Variants in KANK1 observed in about 807,000 individuals in gnomAD.
KANK1 encodes KN motif and ankyrin repeat domain-containing protein 1.
KANK1 carries 109 observed loss-of-function variants against 106.2 expected under a neutral mutation model. That is an observed-to-expected ratio of 1.03 (90% CI 0.88 to 1.20). The LOEUF (loss-of-function observed/expected upper bound fraction) is 1.20, where lower values mean the gene tolerates loss of function less well. Among genes scored for constraint, KANK1 ranks in the 50% most tolerant of loss-of-function variants. KANK1 has a pLI of 0.00. For missense variants in KANK1, 2,399 were observed against 1,710.7 expected, an observed-to-expected ratio of 1.40 and a Z score of -7.10; for synonymous variants, 873 against 652.2, an observed-to-expected ratio of 1.34 and a Z score of -5.16.
intron 1 of KANK1, among the ~76,000 whole-genome samples, chr9:536,927 A>C (rs181273054): frequency 2.0e-5 from 3 of 152,306 alleles, no homozygotes; most frequent in Admixed American, 6.5e-5. Context: ...TTCAGGGTGC[A>C]TCTGTTCCAC....
chr9:635,994 C>T (rs1588455133), intron 1 of KANK1, among the ~76,000 whole-genome samples: 1 of 152,250 alleles, frequency 6.6e-6, no homozygotes, highest in African/African-American at 2.4e-5. Context: ...CTTAATGAGG[C>T]ACAAACTCAG....
At chr9:531,342 G>A (rs1172992069) in intron 1 of KANK1, among the ~76,000 whole-genome samples, 2 of 151,522 alleles carry the variant, frequency 1.3e-5, no homozygotes, top group East Asian at 2.0e-4. Context: ...GAGGTGCGAG[G>A]GTTGCTTAAA....
At chr9:704,665 G>T (rs1342847008) in intron 2 of KANK1, among the ~76,000 whole-genome samples, 1 of 151,980 alleles carries the variant, frequency 6.6e-6, no homozygotes, top group African/African-American at 2.4e-5. Flanking sequence ...TCCAAACAGA[G>T]ACTTCTTGTA....
intron 1 of KANK1, among the ~76,000 whole-genome samples, chr9:643,958 C>G (rs1164445791): frequency 2.6e-5 from 4 of 151,112 alleles, no homozygotes; most frequent in Non-Finnish European, 1.5e-5. Context: ...CCGCCTTGGC[C>G]TCCCAAAGTG....
chr9:630,257 A>G (rs537907705), intron 1 of KANK1, among the ~76,000 whole-genome samples: 86 of 151,054 alleles, frequency 5.7e-4, no homozygotes, highest in African/African-American at 2.1e-3. Flanking sequence ...TAAAAAAAAG[A>G]AAAAAAACGA....
chr9:569,511 C>G (rs1272896817), intron 1 of KANK1, among the ~76,000 whole-genome samples: 1 of 152,156 alleles, frequency 6.6e-6, no homozygotes, highest in Non-Finnish European at 1.5e-5. Context: ...CAGACTCTGT[C>G]AAGTCCCCAC....
chr9:702,717 A>G (rs1822995223), intron 2 of KANK1, among the ~76,000 whole-genome samples: 1 of 152,068 alleles, frequency 6.6e-6, no homozygotes, highest in South Asian at 2.1e-4. Context: ...ATCTTTGTTG[A>G]TGCCTTTTAG....
intron 1 of KANK1, among the ~76,000 whole-genome samples, chr9:509,298 A>G (rs2058923635): frequency 6.6e-6 from 1 of 152,122 alleles, no homozygotes; most frequent in Non-Finnish European, 1.5e-5. Context: ...GGGTTTCACC[A>G]TGTTGGCCGG....
chr9:646,492 CT>C (rs1839696327), intron 1 of KANK1, among the ~76,000 whole-genome samples: 2 of 150,902 alleles, frequency 1.3e-5, no homozygotes, highest in Non-Finnish European at 1.5e-5. Flanking sequence ...TCCTCTCTCA[CT>C]TGAATAATTT....
At chr9:549,033 T>C (rs2134027632) in intron 1 of KANK1, 1 of 152,270 alleles carries the variant, frequency 6.6e-6, no homozygotes, top group Middle Eastern at 3.4e-3. Context: ...TCATGTAAGG[T>C]TACCTTTTTT....
chr9:647,103 A>G (rs1269915598), intron 1 of KANK1, among the ~76,000 whole-genome samples: 1 of 151,210 alleles, frequency 6.6e-6, no homozygotes, highest in Non-Finnish European at 1.5e-5. Context: ...GGCCTAAGCC[A>G]TAGGTGGGGA....
At chr9:612,503 T>A (rs1342824818) in intron 1 of KANK1, among the ~76,000 whole-genome samples, 1 of 152,206 alleles carries the variant, frequency 6.6e-6, no homozygotes, top group Non-Finnish European at 1.5e-5. Flanking sequence ...TGTCATCATC[T>A]TTATGCCTTT....
intron 3 of KANK1, among the ~76,000 whole-genome samples, chr9:478,646 C>G (rs573683074): frequency 5.9e-5 from 9 of 152,160 alleles, no homozygotes; most frequent in Non-Finnish European, 1.3e-4. Context: ...CCCAATATAC[C>G]AAGAAACCAT....
intron 3 of KANK1, chr9:476,781 G>A (rs1053896595): frequency 2.0e-5 from 3 of 152,178 alleles, no homozygotes; most frequent in Non-Finnish European, 2.9e-5. Flanking sequence ...TTATTGAGCA[G>A]TGTGTTAAAC....
chr9:621,513 T>C (rs1279940011), intron 1 of KANK1, among the ~76,000 whole-genome samples: 2 of 152,174 alleles, frequency 1.3e-5, no homozygotes, highest in Non-Finnish European at 2.9e-5. Flanking sequence ...TACAAAAGCC[T>C]TTGACCCCAG....
intron 1 of KANK1, among the ~76,000 whole-genome samples, chr9:624,467 A>C (rs573153297): frequency 2.0e-5 from 3 of 152,260 alleles, no homozygotes; most frequent in African/African-American, 7.2e-5. Context: ...TCCTCAATAA[A>C]ATTAGGAAAA....
chr9:671,688 T>A (rs188656998), intron 1 of KANK1, among the ~76,000 whole-genome samples: 109 of 150,560 alleles, frequency 7.2e-4, no homozygotes, highest in African/African-American at 2.6e-3. Flanking sequence ...TACTTCAGGC[T>A]CTTAAATGTG....
chr9:567,609 G>T (rs770403292), intron 1 of KANK1, among the ~76,000 whole-genome samples: 5 of 152,194 alleles, frequency 3.3e-5, no homozygotes. Context: ...CCAGCAAAGA[G>T]AACTTTTGCA....
intron 1 of KANK1, among the ~76,000 whole-genome samples, chr9:584,266 ATTTACT>A (rs1452152317): frequency 3.3e-5 from 5 of 152,188 alleles, no homozygotes; most frequent in African/African-American, 7.2e-5. Context: ...ATATCATATG[ATTTACT>A]TTTAGTGAAA....
Sources: gnomAD v4.1 joint callset for allele counts (sites outside exome capture counted in the v4.1 genomes callset) on GRCh38, gnomAD v4.1.1 for gene constraint, MANE v1.5 for transcripts, NCBI Gene and HGNC (gene_info 2026-07-23, HGNC 2026-07-21) for gene names.